The following CNOT2 variants were observed in gnomAD, a reference collection of about 807,000 sequenced individuals.
CNOT2 encodes CCR4-NOT transcription complex subunit 2.
Under a neutral mutation model 72.1 loss-of-function variants are expected in CNOT2, and 7 were observed. That is an observed-to-expected ratio of 0.10 (90% CI 0.06 to 0.18). CNOT2 has a LOEUF of 0.18. Ranked by LOEUF, CNOT2 falls within the 10% of genes least tolerant of loss-of-function variation. The pLI is 1.00. For missense variants in CNOT2, 345 were observed against 660.3 expected (o/e 0.52, Z 5.23); for synonymous variants, 196 against 225.6 (o/e 0.87, Z 1.17).
At position 70,330,371 on chromosome 12, in the gene CNOT2, C is replaced by T. The variant is rs1342270077; in HGVS notation, c.471C>T (p.Ser157=). 2.5e-6 allele frequency: 4 copies of T among 1,611,206 alleles called. No individual in the cohort carries two copies. The highest frequency in any genetic ancestry group is 1.7e-5 in the Admixed American group (1 of 59,874). The change falls in exon 6 of 16, where the codon AGC becomes AGT. Residue 157 remains serine, a synonymous_variant. Transcript: ENST00000229195. ...TTGGAATTCCTAGCAGGACAAATAG[C>T]ATGAGCAGTTCAGGGTTAGGTAGCC... ...QGIGIPSRTN[S]MSSSGLGSPN...
At position 70,353,125 on chromosome 12, in the gene CNOT2, T is replaced by G. The variant is rs1005126667; in HGVS notation, c.1537-704T>G. 6.6e-5 allele frequency among the ~76,000 whole-genome samples: 10 copies of G among 151,020 alleles called. No homozygotes were observed. The South Asian group carries it at 1.9e-3, about 28-fold the overall frequency. On this transcript the variant is annotated intron_variant, in intron 15 of 15. Transcript: ENST00000229195. ...TCTTGCTTTGTCATCTGGGCTGGAG[T>G]GCAGTGGTGCAATCTTGGCTCACTG...
In CNOT2 at chr12:70,306,794, A is replaced by G. The variant is rs191092816; in HGVS notation, c.49-4101A>G. ...TTAAACTACAGCCATAGTTTAAACTACAGCCATAACAATGGGAGTACATTC... is the reference window on the plus strand; with the variant it reads ...TTAAACTACAGCCATAGTTTAAACTGCAGCCATAACAATGGGAGTACATTC... On this transcript the variant is annotated intron_variant, in intron 2 of 15. Coordinates refer to ENST00000229195, the MANE Select transcript of CNOT2 (RefSeq NM_014515.7). Among the ~76,000 whole-genome samples the G allele has an allele frequency of 2.5e-3, 386 of 152,328 alleles. 7 individuals carry two copies. The highest frequency in any genetic ancestry group is 9.0e-3 in the African/African-American group (374 of 41,560).
At chr12:70,319,070 A>G (rs1343111721) in intron 3 of CNOT2, 1 of 346,316 alleles carries the variant, frequency 2.9e-6, no homozygotes, top group African/African-American at 2.1e-5. Context: ...CTTTTAGAAA[A>G]CTTATAGTAT....
In CNOT2 at chr12:70,257,662, C is replaced by T. The variant is rs187944956; in HGVS notation, c.-96+14182C>T. 3.1e-3 allele frequency among the ~76,000 whole-genome samples: 474 copies of T among 151,916 alleles called. 5 individuals carry two copies. Among genetic ancestry groups the T allele is most frequent in the Non-Finnish European group, 4.0e-3 (269 of 67,930 alleles). ...GATTACAGGTGTGAGCCACCGCGCC[C>T]GGCCCCAACTACCCTTTTCTTAAGT... On this transcript the variant is annotated intron_variant, in intron 1 of 15. Transcript: ENST00000229195.
chr12:70,296,767 C>CT (rs1377031802), intron 2 of CNOT2, among the ~76,000 whole-genome samples: 11 of 141,066 alleles, frequency 7.8e-5, no homozygotes, highest in Non-Finnish European at 1.5e-4. Flanking sequence ...GCCCCCCCCC[C>CT]TTTTTAAATT....
chr12:70,279,166 A>T (rs1006240331), intron 2 of CNOT2, among the ~76,000 whole-genome samples: 4 of 152,196 alleles, frequency 2.6e-5, no homozygotes, highest in African/African-American at 9.6e-5. Context: ...AGCTAGTATG[A>T]TAGCAGCAGC....
At chr12:70,247,125 G>A (rs1214941624) in intron 1 of CNOT2, among the ~76,000 whole-genome samples, 2 of 151,530 alleles carry the variant, frequency 1.3e-5, no homozygotes, top group African/African-American at 4.8e-5. Context: ...AGATATTTTG[G>A]ACTATTTGCC....
chr12:70,294,877 A>G (rs1452876581), intron 2 of CNOT2, among the ~76,000 whole-genome samples: 1 of 152,204 alleles, frequency 6.6e-6, no homozygotes, highest in Non-Finnish European at 1.5e-5. Flanking sequence ...ATAAGTATAG[A>G]TATCTGGTAC....
At chr12:70,317,930 G>A (rs1877638867) in intron 3 of CNOT2, among the ~76,000 whole-genome samples, 1 of 151,598 alleles carries the variant, frequency 6.6e-6, no homozygotes, top group Admixed American at 6.6e-5. Context: ...TTTTCTAACT[G>A]TGGTCAGTGT....
At chr12:70,244,599 C>T (rs1335681310) in intron 1 of CNOT2, among the ~76,000 whole-genome samples, 1 of 152,168 alleles carries the variant, frequency 6.6e-6, no homozygotes, top group Non-Finnish European at 1.5e-5. Context: ...CATCAACTTC[C>T]TTCGAATCCT....
chr12:70,294,754 G>A (rs1040857047), intron 2 of CNOT2, among the ~76,000 whole-genome samples: 3 of 152,166 alleles, frequency 2.0e-5, no homozygotes, highest in African/African-American at 7.2e-5. Flanking sequence ...TATTAGGCAG[G>A]TAGCTATGTT....
At chr12:70,347,713 T>C (rs1210159967) in intron 15 of CNOT2, 3 of 152,164 alleles carry the variant, frequency 2.0e-5, no homozygotes, top group African/African-American at 4.8e-5. Flanking sequence ...TCTTTTTTTT[T>C]AGATGTTTCT....
At chr12:70,272,829 C>T (rs913204030) in intron 1 of CNOT2, among the ~76,000 whole-genome samples, 1 of 152,124 alleles carries the variant, frequency 6.6e-6, no homozygotes, top group African/African-American at 2.4e-5. Context: ...TATGCTCACC[C>T]GATAACTTCA....
chr12:70,304,772 G>C (rs1874899943), intron 2 of CNOT2, among the ~76,000 whole-genome samples: 1 of 152,234 alleles, frequency 6.6e-6, no homozygotes, highest in South Asian at 2.1e-4. Context: ...GCCCCCAGAG[G>C]TGGAGCCTAC....
At chr12:70,350,941 ATAT>A (rs1365397239) in intron 15 of CNOT2, among the ~76,000 whole-genome samples, 41 of 152,146 alleles carry the variant, frequency 2.7e-4, no homozygotes, top group Admixed American at 2.6e-4. Context: ...TGTTTTTGTA[ATAT>A]TATTTGACTA....
intron 1 of CNOT2, among the ~76,000 whole-genome samples, chr12:70,246,611 T>C (rs1957886869): frequency 6.6e-6 from 1 of 152,212 alleles, no homozygotes; most frequent in African/African-American, 2.4e-5. Context: ...TTAAAGGGAT[T>C]GAATTTCACT....
At chr12:70,276,461 A>C (rs1868824812) in intron 1 of CNOT2, among the ~76,000 whole-genome samples, 1 of 152,012 alleles carries the variant, frequency 6.6e-6, no homozygotes, top group Non-Finnish European at 1.5e-5. Context: ...ATTAATGGTA[A>C]GGCATGTACT....
chr12:70,328,198 C>G (rs1460418399), intron 4 of CNOT2, among the ~76,000 whole-genome samples: 2 of 151,818 alleles, frequency 1.3e-5, no homozygotes, highest in Non-Finnish European at 2.9e-5. Flanking sequence ...TTGAGAGGCA[C>G]AGTTAGTCTA....
At chr12:70,316,276 TTAAC>T (rs1214825971) in intron 3 of CNOT2, among the ~76,000 whole-genome samples, 1 of 152,234 alleles carries the variant, frequency 6.6e-6, no homozygotes, top group East Asian at 1.9e-4. Context: ...CTTTATATTA[TTAAC>T]TTTCAGAATT....
Sources: gnomAD v4.1 joint callset for allele counts (sites outside exome capture counted in the v4.1 genomes callset) on GRCh38, gnomAD v4.1.1 for gene constraint, MANE v1.5 for transcripts, NCBI Gene and HGNC (gene_info 2026-07-23, HGNC 2026-07-21) for gene names.